PDE3B: variants seen among roughly 807,000 people sequenced by gnomAD.
PDE3B encodes the protein cGMP-inhibited 3',5'-cyclic phosphodiesterase 3B.
A neutral mutation model predicts 116.8 loss-of-function variants in PDE3B; 66 were observed. The ratio of observed to expected loss-of-function variants is 0.56; its 90% CI spans 0.46 to 0.69. The LOEUF (loss-of-function observed/expected upper bound fraction) is 0.69. Ranked by LOEUF, PDE3B falls within the 30% of genes least tolerant of loss-of-function variation. The pLI, the probability that PDE3B is intolerant of heterozygous loss-of-function variation, is 0.00. For synonymous variants in PDE3B, 595 were observed against 533.6 expected (o/e 1.12, Z -1.59); for missense variants, 1,384 against 1,368.1 (o/e 1.01, Z -0.18).
At chr11:14,802,944 T>C (rs571924544) in intron 4 of PDE3B, among the ~76,000 whole-genome samples, 2 of 152,360 alleles carry the variant, frequency 1.3e-5, no homozygotes, top group Non-Finnish European at 2.9e-5. Flanking sequence ...GTTTTCTTTT[T>C]CCAATTTAAA....
Position 14,867,637 on chromosome 11 carries a change from T to C in PDE3B, c.3018T>C (p.Ala1006=), listed in dbSNP as rs782817843. 5.6e-6 allele frequency: 9 copies of C among 1,614,140 alleles called. No individual in the cohort carries two copies. Among genetic ancestry groups the C allele is most frequent in the African/African-American group, 1.3e-5 (1 of 75,064 alleles). The change falls in exon 15 of 16, where the codon GCT becomes GCC. Residue 1006 remains alanine (A), a synonymous_variant. Coordinates refer to ENST00000282096, the MANE Select transcript of PDE3B (RefSeq NM_000922.4). The part of the protein sequence containing the change: ...VGPLCNSYDA[A]GLLPGQWLEA... ...CCCTGTGTAACTCCTATGATGCTGC[T>C]GGTTTGCTACCAGGTCAGTGGTTAG...
At chr11:14,835,445 ATTT>A (rs60953633) in intron 11 of PDE3B, among the ~76,000 whole-genome samples, 1 of 150,808 alleles carries the variant, frequency 6.6e-6, no homozygotes, top group African/African-American at 2.4e-5. Context: ...TTTAAAAAAA[ATTT>A]TTTTTTTGTT....
chr11:14,702,512 C>A (rs937010446), intron 1 of PDE3B, among the ~76,000 whole-genome samples: 1 of 151,658 alleles, frequency 6.6e-6, no homozygotes, highest in African/African-American at 2.4e-5. Context: ...AGAAGAAGTC[C>A]AGTAAAAGGT....
At chr11:14,884,423 A>G in the PDE3B span, among the ~76,000 whole-genome samples, 3 of 151,514 alleles carry the variant, frequency 2.0e-5, no homozygotes, top group Non-Finnish European at 4.4e-5. Flanking sequence ...TCAGTAAACT[A>G]TCGCAAGAAC....
intron 1 of PDE3B, among the ~76,000 whole-genome samples, chr11:14,722,982 T>C (rs1391591694): frequency 1.3e-5 from 2 of 152,182 alleles, no homozygotes; most frequent in Non-Finnish European, 2.9e-5. Context: ...TGTTTGAGGG[T>C]GTAAATATAG....
At chr11:14,811,265 AT>A (rs1859118852) in intron 5 of PDE3B, among the ~76,000 whole-genome samples, 5 of 151,952 alleles carry the variant, frequency 3.3e-5, no homozygotes, top group Admixed American at 3.3e-4. Flanking sequence ...CTGAATGGTA[AT>A]GCCTAGGTTT....
chr11:14,892,360 A>G, the PDE3B span: 1 of 702,644 alleles, frequency 1.4e-6, no homozygotes, highest in Non-Finnish European at 2.4e-6. Flanking sequence ...CTTCGGGACA[A>G]CTACCTTCTA....
chr11:14,671,427 AACT>A (rs1854364115), intron 1 of PDE3B, among the ~76,000 whole-genome samples: 1 of 152,098 alleles, frequency 6.6e-6, no homozygotes, highest in African/African-American at 2.4e-5. Context: ...TTAGAAAGCA[AACT>A]GGGTGGCTAG....
intron 1 of PDE3B, among the ~76,000 whole-genome samples, chr11:14,724,260 G>A (rs1284936550): frequency 6.6e-6 from 1 of 152,146 alleles, no homozygotes; most frequent in Non-Finnish European, 1.5e-5. Flanking sequence ...TTTCCTACTT[G>A]CCTATCTGTG....
chr11:14,885,076 A>G, the PDE3B span, among the ~76,000 whole-genome samples: 1 of 152,170 alleles, frequency 6.6e-6, no homozygotes, highest in African/African-American at 2.4e-5. Context: ...GTTTTTGCCT[A>G]TGTAAGCAAG....
At chr11:14,703,505 G>A (rs978107761) in intron 1 of PDE3B, among the ~76,000 whole-genome samples, 18 of 151,200 alleles carry the variant, frequency 1.2e-4, no homozygotes, top group African/African-American at 3.4e-4. Flanking sequence ...GGGTTATTAT[G>A]TCCTTTTTCT....
chr11:14,874,732 C>T (rs1249597798), downstream of PDE3B, among the ~76,000 whole-genome samples: 1 of 152,120 alleles, frequency 6.6e-6, no homozygotes, highest in African/African-American at 2.4e-5. Context: ...TGTGTTCTAC[C>T]ATTTCTCCTC....
chr11:14,686,229 A>G (rs1386203841), intron 1 of PDE3B, among the ~76,000 whole-genome samples: 3 of 152,214 alleles, frequency 2.0e-5, no homozygotes, highest in East Asian at 3.8e-4. Context: ...CAAGTCTTCC[A>G]TTCGAATTCT....
intron 12 of PDE3B, among the ~76,000 whole-genome samples, chr11:14,849,319 C>G (rs1847687243): frequency 6.6e-6 from 1 of 151,666 alleles, no homozygotes; most frequent in African/African-American, 2.4e-5. Context: ...TTCCTTACAC[C>G]TTATACAAAA....
At chr11:14,733,310 G>T (rs1437538712) in intron 1 of PDE3B, among the ~76,000 whole-genome samples, 5 of 152,126 alleles carry the variant, frequency 3.3e-5, no homozygotes, top group Non-Finnish European at 7.4e-5. Flanking sequence ...ATGACAATAA[G>T]CTCCGATTCT....
chr11:14,891,921 C>T, the PDE3B span: 1 of 1,571,946 alleles, frequency 6.4e-7, no homozygotes, highest in Non-Finnish European at 8.7e-7. Context: ...ACCAGGAAGG[C>T]CCTGGCCAGC....
intron 2 of PDE3B, among the ~76,000 whole-genome samples, chr11:14,785,106 G>A (rs1858149833): frequency 6.6e-6 from 1 of 152,050 alleles, no homozygotes; most frequent in Non-Finnish European, 1.5e-5. Context: ...AAAAATAGGT[G>A]CTGTTATATA....
chr11:14,687,376 T>C (rs1346335861), intron 1 of PDE3B, among the ~76,000 whole-genome samples: 1 of 152,202 alleles, frequency 6.6e-6, no homozygotes, highest in Non-Finnish European at 1.5e-5. Flanking sequence ...TCTTAAAATA[T>C]AGTGTGGGAG....
intron 1 of PDE3B, among the ~76,000 whole-genome samples, chr11:14,651,274 T>C (rs567853125): frequency 1.3e-5 from 2 of 152,336 alleles, no homozygotes; most frequent in East Asian, 3.9e-4. Flanking sequence ...TCTTTCCCTG[T>C]ACCTGTCTTT....
Sources: gnomAD v4.1 joint callset for allele counts (sites outside exome capture counted in the v4.1 genomes callset) on GRCh38, gnomAD v4.1.1 for gene constraint, MANE v1.5 for transcripts, NCBI Gene and HGNC (gene_info 2026-07-23, HGNC 2026-07-21) for gene names.